The following LHFPL3 variants were observed in gnomAD, a reference collection of about 807,000 sequenced individuals.
LHFPL3 encodes the protein LHFPL tetraspan subfamily member 3, also known as LHFPL tetraspan subfamily member 3 protein.
A neutral mutation model predicts 19.3 loss-of-function variants in LHFPL3; 5 were observed. That is an observed-to-expected ratio of 0.26 (90% CI 0.14 to 0.54). The LOEUF (loss-of-function observed/expected upper bound fraction) is 0.54. Among genes scored for constraint, LHFPL3 ranks in the 20% least tolerant of loss-of-function variants. The pLI, the probability that LHFPL3 is intolerant of heterozygous loss-of-function variation, is 0.94. For missense variants in LHFPL3, 249 were observed against 307.4 expected (o/e 0.81, Z 1.42); for synonymous variants, 133 against 126.2 (o/e 1.05, Z -0.36).
chr7:104,843,773 G>A (rs1332807175), intron 2 of LHFPL3, among the ~76,000 whole-genome samples: 2 of 152,184 alleles, frequency 1.3e-5, no homozygotes, highest in African/African-American at 2.4e-5. Context: ...AGCAGGAAAT[G>A]GGAAGCTATC....
At chr7:104,478,701 A>G (rs1387144113) in intron 1 of LHFPL3, among the ~76,000 whole-genome samples, 2 of 152,236 alleles carry the variant, frequency 1.3e-5, no homozygotes, top group Admixed American at 6.5e-5. Flanking sequence ...GGAGACTCAG[A>G]TAAATACTTA....
intron 1 of LHFPL3, among the ~76,000 whole-genome samples, chr7:104,406,732 G>A (rs1791423122): frequency 6.6e-6 from 1 of 152,244 alleles, no homozygotes. Context: ...GATTGACAGG[G>A]AAATGCAATG....
intron 1 of LHFPL3, among the ~76,000 whole-genome samples, chr7:104,629,177 C>T (rs958847254): frequency 2.0e-5 from 3 of 152,202 alleles, no homozygotes; most frequent in African/African-American, 7.2e-5. Context: ...TCAGGGTTCT[C>T]CCACATTTCT....
intron 1 of LHFPL3, among the ~76,000 whole-genome samples, chr7:104,478,364 G>A (rs1280705156): frequency 6.6e-6 from 1 of 152,092 alleles, no homozygotes; most frequent in Non-Finnish European, 1.5e-5. Flanking sequence ...ATGAGTAAGA[G>A]CCAAGGCCAT....
intron 1 of LHFPL3, among the ~76,000 whole-genome samples, chr7:104,717,165 T>C (rs558673570): frequency 2.0e-5 from 3 of 152,200 alleles, no homozygotes; most frequent in African/African-American, 7.2e-5. Flanking sequence ...TCAAAATGGA[T>C]TAAGGACTTA....
intron 1 of LHFPL3, among the ~76,000 whole-genome samples, chr7:104,477,556 C>T (rs1186477690): frequency 6.6e-6 from 1 of 152,014 alleles, no homozygotes; most frequent in Non-Finnish European, 1.5e-5. Flanking sequence ...CATGAGAACA[C>T]ATGGAAACAT....
At chr7:104,673,756 T>C (rs1792531488) in intron 1 of LHFPL3, among the ~76,000 whole-genome samples, 1 of 152,208 alleles carries the variant, frequency 6.6e-6, no homozygotes, top group Non-Finnish European at 1.5e-5. Flanking sequence ...CAGAGCATCC[T>C]CAATTAGTGG....
chr7:104,833,309 GAT>G (rs577873916), intron 2 of LHFPL3, among the ~76,000 whole-genome samples: 34 of 13,434 alleles, frequency 2.5e-3, no homozygotes, highest in African/African-American at 6.7e-3. Flanking sequence ...TATATAATAG[GAT>G]ATATATATAT....
At chr7:104,691,231 G>A (rs781515855) in intron 1 of LHFPL3, among the ~76,000 whole-genome samples, 1 of 152,172 alleles carries the variant, frequency 6.6e-6, no homozygotes, top group African/African-American at 2.4e-5. Flanking sequence ...TGGCACAAAC[G>A]TAATTGGGCT....
intron 1 of LHFPL3, among the ~76,000 whole-genome samples, chr7:104,459,643 C>G (rs543137082): frequency 1.4e-4 from 21 of 152,180 alleles, no homozygotes; most frequent in Non-Finnish European, 2.4e-4. Flanking sequence ...AGTCAGAAAA[C>G]TGGCTGAAGG....
At chr7:104,543,906 A>T (rs553753848) in intron 1 of LHFPL3, among the ~76,000 whole-genome samples, 20 of 141,782 alleles carry the variant, frequency 1.4e-4, no homozygotes, top group Admixed American at 2.1e-4. Flanking sequence ...CCCAAAATAT[A>T]ATAATAATAA....
intron 2 of LHFPL3, among the ~76,000 whole-genome samples, chr7:104,824,838 T>TTATATATTATCTAATAATTA (rs1187343841): frequency 3.2e-4 from 41 of 129,890 alleles, no homozygotes; most frequent in South Asian, 1.3e-3. Flanking sequence ...TAATTATATA[T>TTATATATTATCTAATAATTA]TATATATTAT....
At chr7:104,597,287 G>A (rs936556785) in intron 1 of LHFPL3, among the ~76,000 whole-genome samples, 85 of 151,958 alleles carry the variant, frequency 5.6e-4, no homozygotes, top group Non-Finnish European at 1.8e-4. Context: ...TTCTTTTTGC[G>A]AATATTCATT....
rs150865359 is a variant in LHFPL3 at position 104,711,237 on chromosome 7, T to G, written c.446-25438T>G. ...TAGAAACGAGACAGAGAGTCTGTGG[T>G]GACAACCTCTATAGAACTGGAGCTA... On this transcript the variant is annotated intron_variant, in intron 1 of 2. Coordinates refer to ENST00000424859, the MANE Select transcript of LHFPL3 (RefSeq NM_199000.3). Among the ~76,000 whole-genome samples the G allele has an allele frequency of 2.8e-3, 429 of 152,314 alleles. 2 individuals are homozygous for G. Among genetic ancestry groups the G allele is most frequent in the African/African-American group, 9.9e-3 (413 of 41,574 alleles).
intron 1 of LHFPL3, among the ~76,000 whole-genome samples, chr7:104,511,500 C>T (rs1193720101): frequency 1.3e-5 from 2 of 152,104 alleles, no homozygotes; most frequent in Non-Finnish European, 2.9e-5. Context: ...TTGTGTTTAC[C>T]CCAAAACCTC....
intron 1 of LHFPL3, among the ~76,000 whole-genome samples, chr7:104,355,303 G>C (rs1227345498): frequency 1.3e-5 from 2 of 151,962 alleles, no homozygotes; most frequent in Non-Finnish European, 2.9e-5. Context: ...TAATTCCTTT[G>C]CTTTATCACA....
chr7:104,734,477 A>G (rs113011197), intron 1 of LHFPL3, among the ~76,000 whole-genome samples: 1 of 152,048 alleles, frequency 6.6e-6, no homozygotes, highest in South Asian at 2.1e-4. Context: ...TTTGATCTTC[A>G]ATCACTGATA....
At chr7:104,518,521 T>G (rs1321794629) in intron 1 of LHFPL3, among the ~76,000 whole-genome samples, 1 of 152,072 alleles carries the variant, frequency 6.6e-6, no homozygotes, top group Non-Finnish European at 1.5e-5. Flanking sequence ...CTGGACACAT[T>G]TAAAAGTGCA....
chr7:104,593,770 A>G (rs1382210490), intron 1 of LHFPL3, among the ~76,000 whole-genome samples: 1 of 152,280 alleles, frequency 6.6e-6, no homozygotes, highest in East Asian at 1.9e-4. Flanking sequence ...TTCTTGTTGA[A>G]TTGATCCCTT....
Sources: allele counts gnomAD v4.1 joint callset (sites outside exome capture counted in the v4.1 genomes callset), GRCh38; gene constraint gnomAD v4.1.1; transcripts MANE v1.5; gene names NCBI Gene and HGNC (gene_info 2026-07-23, HGNC 2026-07-21).